The following CTNNA3 variants were observed in gnomAD, a reference collection of about 807,000 sequenced individuals.
CTNNA3 encodes the protein catenin alpha 3, also known as catenin alpha-3.
A neutral mutation model predicts 95.7 loss-of-function variants in CTNNA3; 76 were observed. The observed-to-expected ratio is 0.79, with a 90% CI of 0.66 to 0.96. The LOEUF (loss-of-function observed/expected upper bound fraction) is 0.96, where lower values mean the gene tolerates loss of function less well. Among genes scored for constraint, CTNNA3 ranks in the 40% least tolerant of loss-of-function variants. The probability of loss-of-function intolerance (pLI) is 0.00; values close to 1 mark genes in which losing one functional copy is unlikely to be tolerated. For missense variants in CTNNA3, 1,191 were observed against 1,089.8 expected (o/e 1.09, Z -1.31); for synonymous variants, 431 against 374.4 (o/e 1.15, Z -1.74).
chr10:66,162,391 G>A (rs1453191993), intron 13 of CTNNA3, among the ~76,000 whole-genome samples: 2 of 152,130 alleles, frequency 1.3e-5, no homozygotes, highest in African/African-American at 2.4e-5. Context: ...TTTGTCCCAA[G>A]GAATGTTCCT....
intron 14 of CTNNA3, among the ~76,000 whole-genome samples, chr10:66,099,714 A>C (rs2081541273): frequency 6.6e-6 from 1 of 152,160 alleles, no homozygotes. Context: ...TCAAAATTTA[A>C]AGGAAAATTT....
At chr10:67,684,440 G>A (rs534592489) in intron 1 of CTNNA3, among the ~76,000 whole-genome samples, 8 of 152,142 alleles carry the variant, frequency 5.3e-5, no homozygotes, top group Admixed American at 2.0e-4. Flanking sequence ...TGACTGATGC[G>A]TTTACAACCT....
At chr10:66,244,003 C>G (rs1224748656) in intron 13 of CTNNA3, among the ~76,000 whole-genome samples, 1 of 151,886 alleles carries the variant, frequency 6.6e-6, no homozygotes, top group Non-Finnish European at 1.5e-5. Context: ...CTGCCCTGGA[C>G]CAGAGGGGAG....
intron 15 of CTNNA3, among the ~76,000 whole-genome samples, chr10:66,054,858 C>T (rs2080044082): frequency 6.6e-6 from 1 of 152,076 alleles, no homozygotes. Context: ...TCACAGTTTG[C>T]AGTCTTAGCT....
intron 13 of CTNNA3, among the ~76,000 whole-genome samples, chr10:66,244,383 T>C (rs978980829): frequency 1.3e-5 from 2 of 152,210 alleles, no homozygotes; most frequent in African/African-American, 4.8e-5. Context: ...TGTAGAGCCC[T>C]AGGTCCTTGA....
intron 2 of CTNNA3, among the ~76,000 whole-genome samples, chr10:67,612,899 T>C (rs1251252574): frequency 6.6e-6 from 1 of 152,196 alleles, no homozygotes; most frequent in African/African-American, 2.4e-5. Context: ...TCTGCCCTCG[T>C]TGAATCTTTC....
intron 10 of CTNNA3, among the ~76,000 whole-genome samples, chr10:66,539,610 T>C (rs1164805085): frequency 6.6e-6 from 1 of 152,150 alleles, no homozygotes; most frequent in Non-Finnish European, 1.5e-5. Context: ...GGACAGTCCT[T>C]TTAGATGCTT....
chr10:65,989,314 C>G (rs912831207), intron 15 of CTNNA3, among the ~76,000 whole-genome samples: 1 of 151,952 alleles, frequency 6.6e-6, no homozygotes, highest in South Asian at 2.1e-4. Context: ...TTTTTTAATG[C>G]CAGCCTATTG....
chr10:66,011,135 A>G lies in CTNNA3; in HGVS notation c.2160-22338T>C, dbSNP rs746936491. On this transcript the variant is annotated intron_variant, in intron 15 of 17. Coordinates refer to ENST00000433211, the MANE Select transcript of CTNNA3 (RefSeq NM_013266.4). ...TTGCTTTGAAATGAATGAAGTCTTA[A>G]TTTAGAGATTTCAGCCTATCTGTGG... 2.0e-5 allele frequency among the ~76,000 whole-genome samples: 3 copies of G among 152,242 alleles called. No individual in the cohort carries two copies. In the Middle Eastern group the frequency reaches 0.01, roughly 518 times the overall value.
intron 5 of CTNNA3, among the ~76,000 whole-genome samples, chr10:67,251,935 G>C (rs938315056): frequency 6.6e-6 from 1 of 151,912 alleles, no homozygotes; most frequent in Non-Finnish European, 1.5e-5. Flanking sequence ...GACCTGAGGA[G>C]GTGGTGGCTC....
chr10:66,409,632 T>C (rs989001829), intron 11 of CTNNA3, among the ~76,000 whole-genome samples: 15 of 152,200 alleles, frequency 9.9e-5, no homozygotes, highest in Admixed American at 8.5e-4. Context: ...TATACTCTGA[T>C]GGCAGTGAGA....
intron 7 of CTNNA3, among the ~76,000 whole-genome samples, chr10:66,844,933 C>T (rs1843192993): frequency 6.7e-6 from 1 of 150,064 alleles, no homozygotes; most frequent in South Asian, 2.1e-4. Context: ...ATAGGAAGAA[C>T]ATGTTGGGTG....
At chr10:66,987,801 G>A (rs1850817536) in intron 7 of CTNNA3, among the ~76,000 whole-genome samples, 1 of 152,106 alleles carries the variant, frequency 6.6e-6, no homozygotes, top group Non-Finnish European at 1.5e-5. Context: ...GATAAATTTT[G>A]CAAAGATGGA....
chr10:66,270,404 C>A (rs1463273237), intron 13 of CTNNA3, among the ~76,000 whole-genome samples: 1 of 152,020 alleles, frequency 6.6e-6, no homozygotes, highest in Admixed American at 6.6e-5. Flanking sequence ...GGGGGTTTCA[C>A]CATGTTGCCC....
chr10:67,249,993 C>T (rs545761236), intron 5 of CTNNA3, among the ~76,000 whole-genome samples: 1 of 152,214 alleles, frequency 6.6e-6, no homozygotes, highest in Non-Finnish European at 1.5e-5. Context: ...ACCTGCTGTA[C>T]TTACAATACT....
chr10:67,474,728 T>C (rs960601342), intron 5 of CTNNA3, among the ~76,000 whole-genome samples: 11 of 152,202 alleles, frequency 7.2e-5, no homozygotes, highest in African/African-American at 2.7e-4. Flanking sequence ...CACTAAATTC[T>C]TGTAAGAGTA....
At chr10:66,432,127 A>G (rs2093302102) in intron 11 of CTNNA3, among the ~76,000 whole-genome samples, 1 of 152,098 alleles carries the variant, frequency 6.6e-6, no homozygotes, top group Non-Finnish European at 1.5e-5. Flanking sequence ...TATGGTATTT[A>G]ATAATAAAAA....
intron 7 of CTNNA3, among the ~76,000 whole-genome samples, chr10:66,805,926 A>G (rs1841622515): frequency 6.6e-6 from 1 of 152,098 alleles, no homozygotes; most frequent in South Asian, 2.1e-4. Context: ...CAAAATGCCA[A>G]GGAAGTTTTT....
At chr10:66,428,881 G>A (rs2093268972) in intron 11 of CTNNA3, among the ~76,000 whole-genome samples, 4 of 152,044 alleles carry the variant, frequency 2.6e-5, no homozygotes, top group Admixed American at 2.6e-4. Flanking sequence ...AAAGCTAGCA[G>A]AAGGCAAGAA....
Sources: gnomAD v4.1 joint callset for allele counts (sites outside exome capture counted in the v4.1 genomes callset) on GRCh38, gnomAD v4.1.1 for gene constraint, MANE v1.5 for transcripts, NCBI Gene and HGNC (gene_info 2026-07-23, HGNC 2026-07-21) for gene names.